NALCN: variants seen among roughly 807,000 people sequenced by gnomAD.
NALCN encodes the protein sodium leak channel, non-selective, also known as sodium leak channel NALCN.
NALCN carries 111 observed loss-of-function variants against 225.3 expected under a neutral mutation model. That is an observed-to-expected ratio of 0.49 (90% confidence interval 0.42 to 0.58). The LOEUF is 0.58. Ranked by LOEUF, NALCN falls within the 20% of genes least tolerant of loss-of-function variation. NALCN has a pLI of 0.00. For missense variants in NALCN, 1,378 were observed against 2,202.4 expected, an observed-to-expected ratio of 0.63 and a Z score of 7.49; for synonymous variants, 764 against 769.0, an observed-to-expected ratio of 0.99 and a Z score of 0.11.
chr13:101,248,344 T>A (rs555265666), intron 11 of NALCN, among the ~76,000 whole-genome samples: 4 of 152,216 alleles, frequency 2.6e-5, no homozygotes, highest in Non-Finnish European at 5.9e-5. Flanking sequence ...AAACTGTTAG[T>A]GTCAACCAAA....
chr13:101,194,245 G>C (rs571010027), intron 13 of NALCN, among the ~76,000 whole-genome samples: 25 of 151,842 alleles, frequency 1.6e-4, no homozygotes, highest in Non-Finnish European at 7.4e-5. Context: ...TCAGAGTCTC[G>C]GGAGAAAAAA....
rs1468021871 is a variant in NALCN, at chr13:101,143,150, G to GTCGGGAGGCTTC, written c.2036_2047dup (p.Arg679_Pro682dup). 6.2e-6 allele frequency: 10 copies of GTCGGGAGGCTTC among 1,614,124 alleles called. No individual in the cohort carries two copies. The highest frequency in any genetic ancestry group is 8.5e-6 in the Non-Finnish European group (10 of 1,180,018). ...GTGGTCGCAGGAGGAGGAAGAGGTG[G>GTCGGGAGGCTTC]TCGGGAGGCTTCTCAGGAGGCAACA... is the stretch of plus-strand genomic sequence containing the variant. On this transcript the variant is annotated inframe_insertion, in exon 17 of 44. Coordinates refer to ENST00000251127, the MANE Select transcript of NALCN (RefSeq NM_052867.4).
chr13:101,341,788 T>C (rs193278511), intron 7 of NALCN, among the ~76,000 whole-genome samples: 43 of 152,266 alleles, frequency 2.8e-4, no homozygotes, highest in Admixed American at 6.5e-4. Context: ...CCCAAATTCA[T>C]TTGTTGAATT....
At chr13:101,301,562 A>C (rs1307851281) in intron 7 of NALCN, among the ~76,000 whole-genome samples, 1 of 151,976 alleles carries the variant, frequency 6.6e-6, no homozygotes, top group Non-Finnish European at 1.5e-5. Context: ...CTCTACTAAA[A>C]ATACAAAAAT....
intron 11 of NALCN, among the ~76,000 whole-genome samples, chr13:101,254,974 T>C (rs1173159160): frequency 6.7e-6 from 1 of 150,142 alleles, no homozygotes; most frequent in Non-Finnish European, 1.5e-5. Context: ...AACTTGGGAA[T>C]AAGTGTACCC....
chr13:101,159,703 G>C (rs1437647010), intron 15 of NALCN, among the ~76,000 whole-genome samples: 1 of 152,038 alleles, frequency 6.6e-6, no homozygotes, highest in Non-Finnish European at 1.5e-5. Flanking sequence ...TCTAGTGCAG[G>C]GGCCCAGATT....
chr13:101,323,849 T>C (rs909134504), intron 7 of NALCN, among the ~76,000 whole-genome samples: 2 of 152,328 alleles, frequency 1.3e-5, no homozygotes, highest in Non-Finnish European at 1.5e-5. Context: ...GCACTGCCTG[T>C]CTGAAGACTT....
At chr13:101,101,029 C>T in intron 26 of NALCN, 141 bp from the exon 27 acceptor site, 1 of 587,200 alleles carries the variant, frequency 1.7e-6, no homozygotes, top group East Asian at 3.1e-5. Flanking sequence ...AACTTCTCCA[C>T]CATAGGTCAC....
At chr13:101,152,681 G>A (rs899794256) in intron 15 of NALCN, among the ~76,000 whole-genome samples, 2 of 152,108 alleles carry the variant, frequency 1.3e-5, no homozygotes, top group South Asian at 4.2e-4. Flanking sequence ...TCCCATTAAT[G>A]TAATTAATAA....
chr13:101,073,767 G>T, intron 36 of NALCN, 90 bp from the exon 37 acceptor site: 1 of 1,096,260 alleles, frequency 9.1e-7, no homozygotes, highest in East Asian at 2.6e-5. Context: ...AACAAGTGGA[G>T]GTTGTAGCAA....
chr13:101,221,099 T>C (rs2040919939), intron 13 of NALCN, among the ~76,000 whole-genome samples: 1 of 152,144 alleles, frequency 6.6e-6, no homozygotes, highest in Non-Finnish European at 1.5e-5. Flanking sequence ...CCACAGTCCT[T>C]ATTCACAACT....
At chr13:101,188,502 T>G (rs1192302076) in intron 14 of NALCN, among the ~76,000 whole-genome samples, 3 of 151,938 alleles carry the variant, frequency 2.0e-5, no homozygotes, top group Non-Finnish European at 4.4e-5. Flanking sequence ...CTTCAGAATT[T>G]TGGGCATAAA....
At chr13:101,140,241 G>T (rs373810356) in intron 17 of NALCN, among the ~76,000 whole-genome samples, 116 of 152,204 alleles carry the variant, frequency 7.6e-4, no homozygotes, top group Middle Eastern at 3.4e-3. Flanking sequence ...ACCTGGGGAG[G>T]GTTCGCTTCG....
At chr13:101,372,834 GA>G (rs565107018) in intron 6 of NALCN, among the ~76,000 whole-genome samples, 247 of 151,796 alleles carry the variant, frequency 1.6e-3, no homozygotes, top group African/African-American at 5.1e-3. Flanking sequence ...AAATAATGAA[GA>G]TAAAAAATCA....
In NALCN at chr13:101,161,647, G is replaced by A. The variant is rs150753068; in HGVS notation, c.1839+14653C>T. On this transcript the variant is annotated intron_variant, in intron 15 of 43. Transcript: ENST00000251127. ...AGCACTTTGGGAGGCCAAGGCAGGC[G>A]GATCACCTGAGGTCAGGAGTTCAAG... 7.8e-3 allele frequency among the ~76,000 whole-genome samples: 1,191 copies of A among 152,254 alleles called. 9 individuals carry two copies. Among genetic ancestry groups the A allele is most frequent in the Non-Finnish European group, 0.011 (718 of 68,032 alleles).
At chr13:101,113,499 T>C (rs772585993) in intron 18 of NALCN, among the ~76,000 whole-genome samples, 2 of 152,212 alleles carry the variant, frequency 1.3e-5, no homozygotes, top group Non-Finnish European at 2.9e-5. Flanking sequence ...TGAACTTCAG[T>C]TGGACACAAT....
At chr13:101,345,169 C>A in intron 7 of NALCN, 97 bp downstream of exon 7, 1 of 1,245,922 alleles carries the variant, frequency 8.0e-7, no homozygotes, top group Non-Finnish European at 1.1e-6. Context: ...TATACTACAG[C>A]CAGTCAAAAT....
chr13:101,205,886 T>C (rs1454452200), intron 13 of NALCN, among the ~76,000 whole-genome samples: 3 of 152,086 alleles, frequency 2.0e-5, no homozygotes, highest in Admixed American at 6.6e-5. Context: ...AAATGGAGGA[T>C]TAATTAAAAA....
chr13:101,201,770 T>TA (rs1264918799), intron 13 of NALCN, among the ~76,000 whole-genome samples: 7 of 152,192 alleles, frequency 4.6e-5, no homozygotes, highest in Admixed American at 2.0e-4. Context: ...CATCCACATA[T>TA]AACTTTGATT....
Sources: allele counts gnomAD v4.1 joint callset (sites outside exome capture counted in the v4.1 genomes callset), GRCh38; gene constraint gnomAD v4.1.1; transcripts MANE v1.5; gene names NCBI Gene and HGNC (gene_info 2026-07-23, HGNC 2026-07-21).